The following MINDY4 variants were observed in gnomAD, a reference collection of about 807,000 sequenced individuals.
MINDY4 encodes probable ubiquitin carboxyl-terminal hydrolase MINDY-4.
In MINDY4, 68 loss-of-function variants were observed where a neutral mutation model predicts 87.0. That is an observed-to-expected ratio of 0.78 (90% CI 0.64 to 0.96). The LOEUF (loss-of-function observed/expected upper bound fraction) is 0.96. Among genes scored for constraint, MINDY4 ranks in the 40% least tolerant of loss-of-function variants. MINDY4 has a pLI of 0.00. For synonymous variants in MINDY4, 379 were observed against 363.2 expected (o/e 1.04, Z -0.50); for missense variants, 919 against 928.2 (o/e 0.99, Z 0.13).
At chr7:30,843,716 A>G (rs1789113598) in intron 9 of MINDY4, among the ~76,000 whole-genome samples, 1 of 152,158 alleles carries the variant, frequency 6.6e-6, no homozygotes, top group African/African-American at 2.4e-5. Flanking sequence ...CTGGGTAGAA[A>G]GAAAACTGCT....
Position 30,872,242 on chromosome 7 carries a change from G to T in MINDY4, c.1746-1G>T. 3 of 1,614,058 alleles carry T rather than the reference G, an allele frequency of 1.9e-6. No homozygotes were observed. Among genetic ancestry groups the T allele is most frequent in the Non-Finnish European group, 2.5e-6 (3 of 1,179,974 alleles). On this transcript the variant is annotated splice_acceptor_variant, in intron 13 of 17. Coordinates refer to ENST00000265299, the MANE Select transcript of MINDY4 (RefSeq NM_032222.3). LOFTEE classifies it high-confidence loss of function. Reference sequence around the variant, plus strand: ...CTAACAATGCTTCTTGTGTTTTCCAGCATCCGCCAGGACTTTGATGTCCCC... The same window carrying T: ...CTAACAATGCTTCTTGTGTTTTCCATCATCCGCCAGGACTTTGATGTCCCC...
chr7:30,818,980 C>T (rs1386981148), intron 5 of MINDY4, among the ~76,000 whole-genome samples: 5 of 152,132 alleles, frequency 3.3e-5, no homozygotes, highest in Admixed American at 2.6e-4. Flanking sequence ...ATCAATCTTG[C>T]CAAAGGTTTG....
chr7:30,828,795 G>T (rs375315394), intron 6 of MINDY4, 58 bp downstream of exon 6: 1 of 1,577,900 alleles, frequency 6.3e-7, no homozygotes, highest in Non-Finnish European at 8.7e-7. Context: ...GTCCTCGTTG[G>T]CTCTGTCTGG....
chr7:30,828,581 GTCT>G (rs1788591761), intron 5 of MINDY4, 95 bp from the exon 6 acceptor site: 1 of 1,234,654 alleles, frequency 8.1e-7, no homozygotes, highest in East Asian at 2.3e-5. Flanking sequence ...AGAGAGACTT[GTCT>G]CCTGAATGCC....
chr7:30,828,825 C>A, intron 6 of MINDY4, 88 bp downstream of exon 6: 1 of 1,278,590 alleles, frequency 7.8e-7, no homozygotes, highest in East Asian at 2.3e-5. Context: ...GGTCGGGGGC[C>A]CCTTTCCTTC....
chr7:30,880,847 A>ACTGT (rs1190716721), intron 15 of MINDY4, among the ~76,000 whole-genome samples: 1 of 152,076 alleles, frequency 6.6e-6, no homozygotes, highest in Non-Finnish European at 1.5e-5. Context: ...CGTTGTAAAG[A>ACTGT]CTGTCCCCCT....
chr7:30,830,014 C>T (rs558203056), intron 6 of MINDY4, among the ~76,000 whole-genome samples: 2 of 151,778 alleles, frequency 1.3e-5, no homozygotes, highest in African/African-American at 4.8e-5. Context: ...GATAGGAGGC[C>T]ATGGAACCCA....
chr7:30,889,580 G>T (rs1286487071), intron 17 of MINDY4, among the ~76,000 whole-genome samples: 1 of 152,222 alleles, frequency 6.6e-6, no homozygotes, highest in African/African-American at 2.4e-5. Flanking sequence ...TTTGAGCAGT[G>T]AAGATGAACG....
intron 6 of MINDY4, among the ~76,000 whole-genome samples, chr7:30,832,461 G>C (rs1165776844): frequency 6.6e-6 from 1 of 152,098 alleles, no homozygotes; most frequent in Non-Finnish European, 1.5e-5. Context: ...TCTCAATGTT[G>C]GTCTTTGCAA....
At chr7:30,825,484 A>G (rs1788470454) in intron 5 of MINDY4, among the ~76,000 whole-genome samples, 1 of 152,236 alleles carries the variant, frequency 6.6e-6, no homozygotes, top group Non-Finnish European at 1.5e-5. Context: ...TCAGGAGCCA[A>G]GGGAACCACT....
At chr7:30,890,208 G>C (rs6462230) in intron 17 of MINDY4, among the ~76,000 whole-genome samples, 39,312 of 152,212 alleles carry the variant, frequency 0.26, 8,765 homozygotes, top group African/African-American at 0.6. Context: ...TTTATGCCGA[G>C]TGTTTTAACA....
chr7:30,852,079 G>T, intron 10 of MINDY4, 137 bp from the exon 11 acceptor site: 1 of 929,554 alleles, frequency 1.1e-6, no homozygotes, highest in Non-Finnish European at 1.6e-6. Context: ...GGAAAAATGA[G>T]AAACTCTTGG....
intron 5 of MINDY4, among the ~76,000 whole-genome samples, chr7:30,808,957 G>A (rs1318439911): frequency 7.2e-6 from 1 of 138,390 alleles, no homozygotes; most frequent in African/African-American, 2.7e-5. Context: ...GAGAGAGAGA[G>A]GCAGAGAGAG....
intron 13 of MINDY4, among the ~76,000 whole-genome samples, chr7:30,869,805 C>T (rs1203305408): frequency 6.6e-6 from 1 of 152,156 alleles, no homozygotes; most frequent in East Asian, 1.9e-4. Flanking sequence ...CTCTCATCTT[C>T]TCCAGGCCCC....
intron 5 of MINDY4, among the ~76,000 whole-genome samples, chr7:30,822,136 C>T (rs1788351727): frequency 6.6e-6 from 1 of 151,974 alleles, no homozygotes; most frequent in Non-Finnish European, 1.5e-5. Context: ...ACATTTTCCT[C>T]CACAACCACA....
chr7:30,851,335 T>C (rs1415332805), intron 10 of MINDY4, among the ~76,000 whole-genome samples: 1 of 152,236 alleles, frequency 6.6e-6, no homozygotes, highest in Non-Finnish European at 1.5e-5. Context: ...ATGTAATCGC[T>C]CTGTTTACTC....
chr7:30,881,339 A>C (rs1388234508), intron 15 of MINDY4, among the ~76,000 whole-genome samples: 2 of 152,292 alleles, frequency 1.3e-5, no homozygotes, highest in Middle Eastern at 3.4e-3. Context: ...TTCTTCCACA[A>C]ACACTTCCAC....
At chr7:30,798,043 G>A (rs946124324) in intron 5 of MINDY4, among the ~76,000 whole-genome samples, 3 of 152,202 alleles carry the variant, frequency 2.0e-5, no homozygotes, top group Non-Finnish European at 4.4e-5. Context: ...GACTGCTGAA[G>A]TGGAAACATC....
chr7:30,817,401 A>C (rs1157223281), intron 5 of MINDY4, among the ~76,000 whole-genome samples: 1 of 145,652 alleles, frequency 6.9e-6, no homozygotes, highest in Non-Finnish European at 1.5e-5. Context: ...TTCTACATTA[A>C]AAAAATTTTT....
Sources: allele counts gnomAD v4.1 joint callset (sites outside exome capture counted in the v4.1 genomes callset), GRCh38; gene constraint gnomAD v4.1.1; transcripts MANE v1.5; gene names NCBI Gene and HGNC (gene_info 2026-07-23, HGNC 2026-07-21).